The following KIF3A variants were observed in gnomAD, a reference collection of about 807,000 sequenced individuals.
KIF3A encodes the protein kinesin-like protein KIF3A.
Under a neutral mutation model 92.6 loss-of-function variants are expected in KIF3A, and 27 were observed. The ratio of observed to expected loss-of-function variants is 0.29; its 90% CI spans 0.21 to 0.40. The LOEUF (loss-of-function observed/expected upper bound fraction) is 0.40. KIF3A is among the 10% of genes least tolerant of loss of function. KIF3A has a pLI of 1.00. For missense variants in KIF3A, 581 were observed against 872.6 expected (o/e 0.67, Z 4.21); for synonymous variants, 250 against 275.4 (o/e 0.91, Z 0.92).
At chr5:132,714,970 C>T (rs143968348) in intron 8 of KIF3A, among the ~76,000 whole-genome samples, 123 of 152,306 alleles carry the variant, frequency 8.1e-4, no homozygotes, top group Middle Eastern at 3.4e-3. Context: ...TGCTTTTCCT[C>T]AATAACTACT....
intron 4 of KIF3A, among the ~76,000 whole-genome samples, chr5:132,724,471 T>C (rs1246283727): frequency 1.3e-5 from 2 of 151,912 alleles, no homozygotes; most frequent in Non-Finnish European, 2.9e-5. Context: ...CCATAAAAAA[T>C]GATGAGTTCA....
chr5:132,706,561 A>C (rs1753219739), intron 10 of KIF3A, 102 bp from the exon 11 acceptor site: 1 of 898,084 alleles, frequency 1.1e-6, no homozygotes, highest in Non-Finnish European at 1.7e-6. Context: ...AAACAAAGAA[A>C]AATATATAAT....
At chr5:132,718,348 C>T (rs1047404769) in intron 5 of KIF3A, among the ~76,000 whole-genome samples, 1 of 152,170 alleles carries the variant, frequency 6.6e-6, no homozygotes, top group East Asian at 1.9e-4. Context: ...CTCCCTCTGT[C>T]ACCCAGGCTG....
intron 2 of KIF3A, among the ~76,000 whole-genome samples, chr5:132,728,118 T>C (rs1009790272): frequency 6.6e-6 from 1 of 152,166 alleles, no homozygotes; most frequent in African/African-American, 2.4e-5. Flanking sequence ...AATAGACACA[T>C]TAAATTATTA....
At chr5:132,728,903 G>A (rs1468877292) in intron 2 of KIF3A, among the ~76,000 whole-genome samples, 1 of 152,040 alleles carries the variant, frequency 6.6e-6, no homozygotes, top group Admixed American at 6.6e-5. Context: ...GCAACACAGT[G>A]AGACCCCATC....
At chr5:132,703,709 C>T (rs535497782) in intron 11 of KIF3A, 90 bp from the exon 12 acceptor site, 5 of 851,302 alleles carry the variant, frequency 5.9e-6, no homozygotes, top group African/African-American at 1.7e-5. Flanking sequence ...GAAATGCCTA[C>T]ACTCCTCAAT....
At position 132,735,365 on chromosome 5, in the gene KIF3A, G is replaced by A. The variant is rs985741368; in HGVS notation, c.7-887C>T. ...GCTGAGATTACAGGCATGTGCCACC[G>A]CACCCCGTCATTTCTGAAATTTTAT... is the stretch of plus-strand genomic sequence containing the variant. On this transcript the variant is annotated intron_variant, in intron 1 of 18. Coordinates refer to ENST00000403231, the MANE Select transcript of KIF3A (RefSeq NM_001300791.2). Among the ~76,000 whole-genome samples the A allele has an allele frequency of 2.6e-5, 4 of 152,188 alleles. No individual in the cohort carries two copies. The East Asian group carries it at 7.7e-4, about 29-fold the overall frequency.
intron 2 of KIF3A, among the ~76,000 whole-genome samples, chr5:132,730,033 A>C (rs1197327656): frequency 2.0e-5 from 3 of 152,236 alleles, no homozygotes; most frequent in Non-Finnish European, 1.5e-5. Flanking sequence ...ACCAATATCA[A>C]AAATGAGAAA....
intron 5 of KIF3A, among the ~76,000 whole-genome samples, chr5:132,719,944 T>C (rs190517231): frequency 1.2e-4 from 19 of 152,346 alleles, no homozygotes; most frequent in Non-Finnish European, 2.6e-4. Context: ...GCTTTTCTTG[T>C]CAACAAAAGG....
intron 15 of KIF3A, among the ~76,000 whole-genome samples, chr5:132,701,048 A>G (rs547418615): frequency 2.0e-4 from 30 of 152,246 alleles, no homozygotes; most frequent in African/African-American, 7.0e-4. Flanking sequence ...TCATTACAAA[A>G]TAACTAAATA....
At position 132,702,130 on chromosome 5, in the gene KIF3A, A is replaced by C; in HGVS notation, c.1841T>G (p.Leu614Arg). The part of the protein sequence containing the change: ...NIRQLSRELR[L>R]QMLIIDNFIP... ...AAAGTTATCAATAATAAGCATCTGA[A>C]GTCGAAGCTCCCGGCTAAGTTGCCG... Residue 614 changes from leucine (L) to arginine (R), a missense_variant, in exon 15 of 19, where the codon CTT (leucine) becomes CGT (arginine). Transcript: ENST00000403231. 6.2e-7 allele frequency: 1 copy of C among 1,613,844 alleles called. No individual in the cohort carries two copies. The highest frequency in any genetic ancestry group is 8.5e-7 in the Non-Finnish European group (1 of 1,179,776).
chr5:132,710,728 T>C (rs932918084), intron 9 of KIF3A, among the ~76,000 whole-genome samples: 2 of 152,250 alleles, frequency 1.3e-5, no homozygotes, highest in African/African-American at 4.8e-5. Context: ...CCCAGTATTA[T>C]AGAGTCTTAC....
rs1168505293 is a variant in KIF3A at position 132,694,738 on chromosome 5, C to T, written c.*1896G>A. On this transcript the variant is annotated 3_prime_UTR_variant, in exon 19 of 19. Coordinates refer to ENST00000403231, the MANE Select transcript of KIF3A (RefSeq NM_001300791.2). ...ACCAAAATATTCTGATCACACAAAG[C>T]TTTTACAAGACACATATTTACCTCA... The T allele has an allele frequency of 6.6e-6, 1 of 152,194 alleles. No homozygotes were observed. Among genetic ancestry groups the T allele is most frequent in the Non-Finnish European group, 1.5e-5 (1 of 68,006 alleles). The allele number at this position is 152,194 out of a possible 1,614,324, so 9.4% of individuals were successfully genotyped here. A position where few individuals can be genotyped will look rare whatever the true frequency, so the allele number is the denominator to read the frequency against.
rs931415023 is a variant in KIF3A at position 132,737,546 on chromosome 5, C to A, written c.-127G>T. 6 of 1,109,314 alleles carry A rather than the reference C, an allele frequency of 5.4e-6. 1 individual carries two copies. The African/African-American group carries it at 8.2e-5, about 15-fold the overall frequency. The allele number at this position is 1,109,314 out of a possible 1,614,324, so 68.7% of individuals were successfully genotyped here. A position where few individuals can be genotyped will look rare whatever the true frequency, so the allele number is the denominator to read the frequency against. ...TGACGCTCTCGAGACTGCGGCTTCTCGGGCGAGAGCGCCCAGTGCGCAGCC... is the reference window on the plus strand; with the variant it reads ...TGACGCTCTCGAGACTGCGGCTTCTAGGGCGAGAGCGCCCAGTGCGCAGCC... On this transcript the variant is annotated 5_prime_UTR_variant, in exon 1 of 19. Coordinates refer to ENST00000403231, the MANE Select transcript of KIF3A (RefSeq NM_001300791.2).
intron 4 of KIF3A, among the ~76,000 whole-genome samples, chr5:132,722,347 A>G (rs558577272): frequency 1.4e-4 from 22 of 152,364 alleles, no homozygotes; most frequent in African/African-American, 5.3e-4. Context: ...AAACACAGGA[A>G]TTCAATATCT....
intron 5 of KIF3A, among the ~76,000 whole-genome samples, chr5:132,718,818 G>A (rs913181918): frequency 6.6e-6 from 1 of 151,996 alleles, no homozygotes; most frequent in Non-Finnish European, 1.5e-5. Flanking sequence ...TAGTTGAGAT[G>A]GGGTTTCGCC....
Position 132,703,582 on chromosome 5 carries a change from C to A in KIF3A, c.1347G>T (p.Met449Ile), listed in dbSNP as rs1233443114. The change falls in exon 12 of 19, where the codon ATG (methionine) becomes ATT (isoleucine). Residue 449 changes from methionine to isoleucine, a missense_variant. Met to Ile is a conservative substitution (Grantham distance 10). Transcript: ENST00000403231. Reference sequence around the variant, plus strand: ...TTCTCTCCTCATCAATTTTTGCTTGCATTTCAATCATCTTGTCTGGGGAGA... The same window carrying A: ...TTCTCTCCTCATCAATTTTTGCTTGAATTTCAATCATCTTGTCTGGGGAGA... ...KKVSPDKMIE[M>I]QAKIDEERKA... is the part of the protein sequence containing the mutation. 1.2e-6 allele frequency: 2 copies of A among 1,611,488 alleles called. No homozygotes were observed. Among genetic ancestry groups the A allele is most frequent in the Non-Finnish European group, 1.7e-6 (2 of 1,178,852 alleles).
intron 5 of KIF3A, 151 bp from the exon 6 acceptor site, chr5:132,717,135 C>A: frequency 1.6e-6 from 1 of 618,146 alleles, no homozygotes; most frequent in South Asian, 2.9e-5. Context: ...GTGTACTTAG[C>A]CACTACATGA....
chr5:132,715,961 T>C (rs752195088), intron 7 of KIF3A, 30 bp from the exon 8 acceptor site: 1 of 1,461,994 alleles, frequency 6.8e-7, no homozygotes, highest in South Asian at 1.2e-5. Flanking sequence ...AAACAAATCA[T>C]TTTACACTTG....
Sources: gnomAD v4.1 joint callset for allele counts (sites outside exome capture counted in the v4.1 genomes callset) on GRCh38, gnomAD v4.1.1 for gene constraint, MANE v1.5 for transcripts, NCBI Gene and HGNC (gene_info 2026-07-23, HGNC 2026-07-21) for gene names.